Variants in SBF1 observed in about 807,000 individuals in gnomAD.
SBF1 encodes the protein myotubularin-related protein 5.
In SBF1, 65 loss-of-function variants were observed where a neutral mutation model predicts 215.8. The ratio of observed to expected loss-of-function variants is 0.30; its 90% CI spans 0.25 to 0.37. The LOEUF (loss-of-function observed/expected upper bound fraction) is 0.37. SBF1 is among the 10% of genes least tolerant of loss of function. SBF1 has a pLI of 1.00. For synonymous variants in SBF1, 1,410 were observed against 1,122.8 expected, an observed-to-expected ratio of 1.26 and a Z score of -5.11; for missense variants, 2,634 against 2,667.8, an observed-to-expected ratio of 0.99 and a Z score of 0.28.
rs1385630461 is a variant in SBF1 at position 50,460,664 on chromosome 22, G to A, written c.3016C>T (p.Leu1006Phe). ...DEEVGSDSAE[L>F]FRKQLHKLRY... ...AGCTTATGCAGCTGCTTACGGAAGA[G>A]CTCGGCGCTGTCAGACCCCACCTCC... Residue 1006 changes from leucine (L) to phenylalanine (F), a missense_variant, in exon 24 of 41, where the codon CTC becomes TTC. Transcript: ENST00000380817. 6 of 1,613,860 alleles carry A rather than the reference G, an allele frequency of 3.7e-6. No individual in the cohort carries two copies. Among genetic ancestry groups the A allele is most frequent in the Non-Finnish European group, 5.1e-6 (6 of 1,180,040 alleles).
Position 50,470,514 on chromosome 22 carries a change from G to A in SBF1, c.56-2053C>T, listed in dbSNP as rs569614074. ...GGCCCAAGTGGGCCAGGCCAAGCAG[G>A]CACCTCTCCCTGAGCTCCTCTGTGC... On this transcript the variant is annotated intron_variant, in intron 1 of 40. Coordinates refer to ENST00000380817, the MANE Select transcript of SBF1 (RefSeq NM_002972.4). 2.2e-3 allele frequency among the ~76,000 whole-genome samples: 328 copies of A among 152,194 alleles called. 2 individuals are homozygous for A. The highest frequency in any genetic ancestry group is 7.6e-3 in the African/African-American group (317 of 41,528).
chr22:50,447,273 C>T (rs2066867387), intron 40 of SBF1, 33 bp from the exon 41 acceptor site: 5 of 1,613,424 alleles, frequency 3.1e-6, no homozygotes, highest in Non-Finnish European at 4.2e-6. Context: ...CTCCGCAGCC[C>T]CCACACCGCA....
At chr22:50,460,850 G>A in intron 23 of SBF1, 138 bp from the exon 24 acceptor site, 2 of 1,013,252 alleles carry the variant, frequency 2.0e-6, no homozygotes, top group Non-Finnish European at 1.4e-6. Context: ...CTGTATCTGT[G>A]TCACACGAAG....
chr22:50,462,153 TGCCCACCACGGCCCC>T, intron 19 of SBF1, 34 bp from the exon 20 acceptor site: 1 of 1,609,254 alleles, frequency 6.2e-7, no homozygotes, highest in Non-Finnish European at 8.5e-7. Context: ...GCATGGGCCC[TGCCCACCACGGCCCC>T]GCCTCCACTG....
At position 50,455,324 on chromosome 22, in the gene SBF1, G is replaced by A. The variant is rs1371998490; in HGVS notation, c.4454C>T (p.Ser1485Phe). 6.2e-7 allele frequency: 1 copy of A among 1,613,414 alleles called. No individual in the cohort carries two copies. Among genetic ancestry groups the A allele is most frequent in the East Asian group, 2.2e-5 (1 of 44,876 alleles). ...ACGGTGGCTGAAGCGATGGCCGAAG[G>A]ACAGCCACTCCTTCTCCACCAGCAG... Reference protein sequence around the residue: ...FRLLVEKEWLSFGHRFSHRGA... With the variant: ...FRLLVEKEWLFFGHRFSHRGA... Residue 1485 changes from serine to phenylalanine, a missense_variant, in exon 33 of 41, where the codon TCC becomes TTC. Transcript: ENST00000380817.
At position 50,448,256 on chromosome 22, in the gene SBF1, G is replaced by A. The variant is rs953092522; in HGVS notation, c.5340C>T (p.Phe1780=). 2 of 1,612,678 alleles carry A rather than the reference G, an allele frequency of 1.2e-6. No homozygotes were observed. The highest frequency in any genetic ancestry group is 2.2e-5 in the South Asian group (2 of 91,006). ...ACCTGTTCTCACTCTCTGCTGTCTG[G>A]AACTGGCTGTACAGGGTGCTGGTGC... ...RRSTSTLYSQ[F]QTAESENRSY... Residue 1780 remains phenylalanine, a synonymous_variant, in exon 38 of 41, where the codon TTC becomes TTT. Coordinates refer to ENST00000380817, the MANE Select transcript of SBF1 (RefSeq NM_002972.4).
rs1261147438 is a variant in SBF1 at position 50,474,921 on chromosome 22, GC to G, written c.-82del. The G allele has an allele frequency of 3.7e-6, 4 of 1,068,448 alleles. No homozygotes were observed. The highest frequency in any genetic ancestry group is 4.3e-5 in the Admixed American group (1 of 23,472). The allele number at this position is 1,068,448 out of a possible 1,614,324, so 66.2% of individuals were successfully genotyped here. A position where few individuals can be genotyped will look rare whatever the true frequency, so the allele number is the denominator to read the frequency against. ...TCGAGGACGGCGCGCTCATGGCCCG[GC>G]CCCGGCCCTGGACCGCGCACCCCGG... is the stretch of plus-strand genomic sequence containing the variant. On this transcript the variant is annotated 5_prime_UTR_variant, in exon 1 of 41. It removes the in-frame stop codon of an upstream open reading frame in the 5' UTR. Transcript: ENST00000380817.
intron 36 of SBF1, among the ~76,000 whole-genome samples, chr22:50,451,392 C>G (rs922823019): frequency 6.6e-6 from 1 of 151,834 alleles, no homozygotes; most frequent in Non-Finnish European, 1.5e-5. Flanking sequence ...ATATTAAAAA[C>G]AAGAAAGAAA....
chr22:50,446,584 G>A lies in SBF1; in HGVS notation c.*558C>T. ...CCTAGACCAGCCCTGAGGCGTGGAG[G>A]GAATCAAGCAAGTCCCCAGTGAAGC... is the stretch of plus-strand genomic sequence containing the variant. On this transcript the variant is annotated 3_prime_UTR_variant, in exon 41 of 41. Transcript: ENST00000380817. The A allele has an allele frequency of 8.9e-6, 3 of 335,532 alleles. No individual in the cohort carries two copies. Among genetic ancestry groups the A allele is most frequent in the South Asian group, 7.1e-5 (3 of 42,274 alleles). 20.8% of individuals were successfully genotyped at this position (335,532 alleles called of 1,614,324 possible).
chr22:50,455,797 T>A, intron 31 of SBF1: 1 of 593,180 alleles, frequency 1.7e-6, no homozygotes, highest in Non-Finnish European at 3.0e-6. Context: ...CCCACCCCCT[T>A]CCAAGCCCTC....
rs140685560 is a variant in SBF1, at chr22:50,463,537, G to A, written c.1750-105C>T. On this transcript the variant is annotated intron_variant, in intron 15 of 40. Transcript: ENST00000380817. Reference sequence around the variant, plus strand: ...TCCAGGAGACCCAAATGCCTTTCAGGTGGGGTGTGCCAGACTCTGGGGCTT... The same window carrying A: ...TCCAGGAGACCCAAATGCCTTTCAGATGGGGTGTGCCAGACTCTGGGGCTT... The A allele has an allele frequency of 3.9e-3, 5,064 of 1,282,840 alleles. 16 individuals are homozygous for A. The highest frequency in any genetic ancestry group is 5.4e-3 in the Admixed American group (194 of 36,124). 79.5% of individuals were successfully genotyped at this position (1,282,840 alleles called of 1,614,324 possible).
intron 36 of SBF1, among the ~76,000 whole-genome samples, chr22:50,449,670 CAG>C (rs1233312077): frequency 6.8e-6 from 1 of 147,090 alleles, no homozygotes; most frequent in Non-Finnish European, 1.5e-5. Context: ...CAAAATGGGA[CAG>C]AAAAACTGCT....
rs759353918 is a variant in SBF1 at position 50,462,574 on chromosome 22, G to A, written c.2112C>T (p.Asp704=). The A allele has an allele frequency of 6.2e-7, 1 of 1,611,846 alleles. No homozygotes were observed. The highest frequency in any genetic ancestry group is 1.1e-5 in the South Asian group (1 of 90,944). The change falls in exon 18 of 41, where the codon GAC becomes GAT. Residue 704 remains aspartate (D), a synonymous_variant. Coordinates refer to ENST00000380817, the MANE Select transcript of SBF1 (RefSeq NM_002972.4). ...CCCTGCGCACCTGGGCGGGGGCCAGGTCCTCCGTGGGCTCCAGGTAGAGGG... is the reference window on the plus strand; with the variant it reads ...CCCTGCGCACCTGGGCGGGGGCCAGATCCTCCGTGGGCTCCAGGTAGAGGG... ...IRALYLEPTE[D]LAPAQEVGEA...
intron 1 of SBF1, among the ~76,000 whole-genome samples, chr22:50,472,782 C>T (rs1309943780): frequency 6.6e-6 from 1 of 152,170 alleles, no homozygotes; most frequent in Non-Finnish European, 1.5e-5. Context: ...GCCCTCAGCC[C>T]ATGACCAGGG....
chr22:50,456,760 G>C, intron 29 of SBF1, 87 bp from the exon 30 acceptor site: 1 of 1,213,560 alleles, frequency 8.2e-7, no homozygotes. Context: ...CAGGGAGGGG[G>C]CTGAGCTCCC....
Position 50,466,214 on chromosome 22 carries a change from A to C in SBF1, c.833T>G (p.Leu278Arg). 1.2e-6 allele frequency: 2 copies of C among 1,613,426 alleles called. No homozygotes were observed. The highest frequency in any genetic ancestry group is 1.7e-6 in the Non-Finnish European group (2 of 1,180,038). Residue 278 changes from leucine (L) to arginine (R), a missense_variant, in exon 8 of 41, where the codon CTC becomes CGC. Leu to Arg is a moderately radical substitution (Grantham distance 102, BLOSUM62 -2). Coordinates refer to ENST00000380817, the MANE Select transcript of SBF1 (RefSeq NM_002972.4). ...PILPAQLLEV[L>R]STPTPFIIGV... ...AATGATGAAGGGCGTGGGTGTGCTG[A>C]GGACCTCCAGCAGCTGAGCCGGCAG...
Position 50,462,952 on chromosome 22 carries a change from G to C in SBF1, c.1900-14C>G. The C allele has an allele frequency of 6.2e-7, 1 of 1,608,218 alleles. No individual in the cohort carries two copies. The highest frequency in any genetic ancestry group is 8.5e-7 in the Non-Finnish European group (1 of 1,177,686). On this transcript the variant is annotated splice_polypyrimidine_tract_variant and intron_variant, in intron 16 of 40. Transcript: ENST00000380817. Reference sequence around the variant, plus strand: ...AGAAGTGCAGTCCTGCAGGTAGAGCGAGAGACCGTCAGGACCTCTCCCCTC... The same window carrying C: ...AGAAGTGCAGTCCTGCAGGTAGAGCCAGAGACCGTCAGGACCTCTCCCCTC...
At chr22:50,458,647 G>A (rs76759481) in intron 28 of SBF1, among the ~76,000 whole-genome samples, 264 of 152,362 alleles carry the variant, frequency 1.7e-3, no homozygotes, top group African/African-American at 5.9e-3. Context: ...AGTGAGTGTG[G>A]GGCCTATCTG....
At chr22:50,463,806 C>T (rs993284412) in intron 15 of SBF1, among the ~76,000 whole-genome samples, 5 of 152,212 alleles carry the variant, frequency 3.3e-5, no homozygotes, top group African/African-American at 1.2e-4. Context: ...ATTGCTACAA[C>T]GTTCATCACA....
Sources: allele counts gnomAD v4.1 joint callset (sites outside exome capture counted in the v4.1 genomes callset), GRCh38; gene constraint gnomAD v4.1.1; transcripts MANE v1.5; gene names NCBI Gene and HGNC (gene_info 2026-07-23, HGNC 2026-07-21).